Variants in DCC observed in about 807,000 individuals in gnomAD.
DCC encodes DCC netrin 1 receptor.
Under a neutral mutation model 172.5 loss-of-function variants are expected in DCC, and 58 were observed. The observed-to-expected ratio is 0.34, with a 90% confidence interval of 0.27 to 0.42. The LOEUF (loss-of-function observed/expected upper bound fraction) is 0.42, where lower values mean the gene tolerates loss of function less well. Ranked by LOEUF, DCC falls within the 10% of genes least tolerant of loss-of-function variation. DCC has a pLI of 1.00. For missense variants in DCC, 1,740 were observed against 1,791.0 expected, an observed-to-expected ratio of 0.97 and a Z score of 0.51; for synonymous variants, 709 against 644.5, an observed-to-expected ratio of 1.10 and a Z score of -1.52.
intron 2 of DCC, among the ~76,000 whole-genome samples, chr18:52,832,516 T>C (rs1474719859): frequency 6.6e-6 from 1 of 152,170 alleles, no homozygotes; most frequent in Non-Finnish European, 1.5e-5. Flanking sequence ...GCGTCTTCCG[T>C]GGACTCGTTT....
intron 1 of DCC, among the ~76,000 whole-genome samples, chr18:52,541,365 T>C (rs914788320): frequency 1.3e-5 from 2 of 152,214 alleles, no homozygotes; most frequent in Non-Finnish European, 2.9e-5. Context: ...ACACTGTTGA[T>C]GATTCTCTTT....
chr18:53,418,731 A>AT (rs1309285916), intron 21 of DCC, among the ~76,000 whole-genome samples: 1 of 152,180 alleles, frequency 6.6e-6, no homozygotes, highest in Non-Finnish European at 1.5e-5. Flanking sequence ...TATTTTAGGG[A>AT]TTGAAGATCT....
intron 7 of DCC, among the ~76,000 whole-genome samples, chr18:53,088,442 C>T (rs1046836996): frequency 1.3e-5 from 2 of 152,118 alleles, no homozygotes; most frequent in Non-Finnish European, 2.9e-5. Flanking sequence ...GTGATTTTTT[C>T]ACATTGAGTT....
intron 2 of DCC, among the ~76,000 whole-genome samples, chr18:52,830,212 T>C (rs182871581): frequency 6.6e-6 from 1 of 152,214 alleles, no homozygotes; most frequent in Non-Finnish European, 1.5e-5. Context: ...ATGGGCCACA[T>C]GCAGCCCATG....
intron 5 of DCC, among the ~76,000 whole-genome samples, chr18:52,991,182 G>A (rs1349376734): frequency 3.3e-5 from 5 of 152,128 alleles, no homozygotes; most frequent in Admixed American, 3.3e-4. Flanking sequence ...TGTTGCAATT[G>A]TAGAACCTGT....
intron 2 of DCC, among the ~76,000 whole-genome samples, chr18:52,883,789 T>C (rs950536191): frequency 1.3e-5 from 2 of 152,050 alleles, no homozygotes; most frequent in Admixed American, 6.6e-5. Context: ...TGTGCTATTA[T>C]CAGTGAGATT....
intron 12 of DCC, among the ~76,000 whole-genome samples, chr18:53,295,742 G>A (rs955630612): frequency 6.6e-6 from 1 of 152,024 alleles, no homozygotes; most frequent in East Asian, 1.9e-4. Context: ...CCAGTGTTTT[G>A]TTTTTTCTTT....
At chr18:53,329,339 C>A (rs1261262838) in intron 14 of DCC, among the ~76,000 whole-genome samples, 2 of 151,884 alleles carry the variant, frequency 1.3e-5, no homozygotes, top group African/African-American at 2.4e-5. Context: ...GGAAAGAAAT[C>A]TTATTATTAT....
At chr18:52,624,350 G>C (rs2034533729) in intron 1 of DCC, among the ~76,000 whole-genome samples, 1 of 152,100 alleles carries the variant, frequency 6.6e-6, no homozygotes, top group Non-Finnish European at 1.5e-5. Flanking sequence ...TTGTTACATA[G>C]TTTTACTCAG....
At chr18:53,005,385 C>T (rs1209500021) in intron 5 of DCC, among the ~76,000 whole-genome samples, 3 of 152,116 alleles carry the variant, frequency 2.0e-5, no homozygotes, top group Non-Finnish European at 2.9e-5. Context: ...ATGGATATTA[C>T]GTCAGGTAAC....
At chr18:53,204,579 C>T (rs979905262) in intron 9 of DCC, among the ~76,000 whole-genome samples, 22 of 150,416 alleles carry the variant, frequency 1.5e-4, no homozygotes, top group African/African-American at 3.4e-4. Flanking sequence ...TTTAGGTAAA[C>T]GATTGTGGAT....
intron 2 of DCC, among the ~76,000 whole-genome samples, chr18:52,829,367 T>C (rs1217770756): frequency 1.3e-5 from 2 of 152,204 alleles, no homozygotes; most frequent in Non-Finnish European, 2.9e-5. Context: ...AACTTGTTAA[T>C]TTGCTTTAGA....
At chr18:52,857,764 A>G (rs1363346842) in intron 2 of DCC, among the ~76,000 whole-genome samples, 1 of 152,144 alleles carries the variant, frequency 6.6e-6, no homozygotes, top group Non-Finnish European at 1.5e-5. Context: ...TTGAATAGTC[A>G]AGTTTTCTCT....
At chr18:53,032,351 AT>A in intron 5 of DCC, among the ~76,000 whole-genome samples, 1 of 152,128 alleles carries the variant, frequency 6.6e-6, no homozygotes. Flanking sequence ...AAGTGTATGT[AT>A]TTCTCATTTG....
At chr18:53,394,537 A>T (rs1014386095) in intron 17 of DCC, among the ~76,000 whole-genome samples, 3 of 152,168 alleles carry the variant, frequency 2.0e-5, no homozygotes, top group African/African-American at 7.2e-5. Flanking sequence ...ATGATGTTTT[A>T]TATGAATTTC....
At chr18:52,655,954 A>ATG (rs1313973278) in intron 1 of DCC, among the ~76,000 whole-genome samples, 2 of 91,504 alleles carry the variant, frequency 2.2e-5, no homozygotes, top group African/African-American at 7.9e-5. Flanking sequence ...CATTAAATAT[A>ATG]TATGTGTGTG....
chr18:53,160,611 G>A (rs576571622), intron 8 of DCC, among the ~76,000 whole-genome samples: 17 of 152,166 alleles, frequency 1.1e-4, no homozygotes, highest in Admixed American at 3.9e-4. Context: ...GGGCTGATTC[G>A]TCTCACTTTA....
At chr18:52,794,245 C>T (rs1362061323) in intron 2 of DCC, among the ~76,000 whole-genome samples, 4 of 152,048 alleles carry the variant, frequency 2.6e-5, no homozygotes, top group Admixed American at 6.6e-5. Flanking sequence ...ACTATGGTGG[C>T]ATTGGGAAGG....
intron 7 of DCC, among the ~76,000 whole-genome samples, chr18:53,086,022 C>CTTATTATTATTATTAT (rs1568294253): frequency 1.2e-3 from 1 of 866 alleles, no homozygotes; most frequent in Non-Finnish European, 2.5e-3. Flanking sequence ...CCTTCTCCCT[C>CTTATTATTATTATTAT]TCCCTCTCCC....
Sources: gnomAD v4.1 joint callset for allele counts (sites outside exome capture counted in the v4.1 genomes callset) on GRCh38, gnomAD v4.1.1 for gene constraint, MANE v1.5 for transcripts, NCBI Gene and HGNC (gene_info 2026-07-23, HGNC 2026-07-21) for gene names.